NEBL: variants seen among roughly 807,000 people sequenced by gnomAD.
The protein encoded by NEBL is LIM and SH3 protein 2.
In NEBL, 122 loss-of-function variants were observed where a neutral mutation model predicts 140.2. The ratio of observed to expected loss-of-function variants is 0.87; its 90% CI spans 0.75 to 1.01. NEBL has a LOEUF of 1.01. Among genes scored for constraint, NEBL ranks in the 50% least tolerant of loss-of-function variants. The pLI, the probability that NEBL is intolerant of heterozygous loss-of-function variation, is 0.00. For synonymous variants in NEBL, 436 were observed against 398.9 expected (o/e 1.09, Z -1.11); for missense variants, 1,365 against 1,231.3 (o/e 1.11, Z -1.62).
chr10:20,946,167 G>A (rs537427780), intron 4 of NEBL, among the ~76,000 whole-genome samples: 25 of 152,310 alleles, frequency 1.6e-4, no homozygotes, highest in South Asian at 1.0e-3. Flanking sequence ...TGAGGACAAC[G>A]AAGGTGAGAG....
chr10:20,987,588 A>G (rs1253391623), intron 3 of NEBL, among the ~76,000 whole-genome samples: 1 of 152,134 alleles, frequency 6.6e-6, no homozygotes, highest in African/African-American at 2.4e-5. Flanking sequence ...AGACTGGAGC[A>G]TGGTGCCAAT....
intron 2 of NEBL, among the ~76,000 whole-genome samples, chr10:21,105,222 T>TG (rs762935735): frequency 3.0e-4 from 45 of 152,316 alleles, no homozygotes; most frequent in Non-Finnish European, 5.0e-4. Flanking sequence ...CGGGGATACA[T>TG]GTGCAGAACA....
At chr10:20,984,417 T>C (rs1194528655) in intron 3 of NEBL, among the ~76,000 whole-genome samples, 2 of 152,122 alleles carry the variant, frequency 1.3e-5, no homozygotes, top group Admixed American at 6.5e-5. Flanking sequence ...AAATAAAATA[T>C]TGAACGAAAA....
chr10:20,827,657 G>C (rs375502547), intron 17 of NEBL, among the ~76,000 whole-genome samples: 5 of 152,010 alleles, frequency 3.3e-5, no homozygotes, highest in African/African-American at 1.2e-4. Flanking sequence ...CAATAGGAAA[G>C]ACATGGAATC....
chr10:20,853,678 C>T (rs902530983), intron 9 of NEBL, among the ~76,000 whole-genome samples: 9 of 152,154 alleles, frequency 5.9e-5, no homozygotes, highest in African/African-American at 1.9e-4. Context: ...GCCCCAGCTA[C>T]TCGGGAGGCT....
chr10:20,795,947 T>C (rs746701639), intron 26 of NEBL, among the ~76,000 whole-genome samples: 2 of 152,208 alleles, frequency 1.3e-5, no homozygotes, highest in Non-Finnish European at 2.9e-5. Context: ...TATTAATGGA[T>C]TAAAGATTCT....
At chr10:20,789,661 C>T (rs1835750271) in intron 26 of NEBL, among the ~76,000 whole-genome samples, 1 of 152,012 alleles carries the variant, frequency 6.6e-6, no homozygotes, top group Non-Finnish European at 1.5e-5. Flanking sequence ...CCAGCCTGAG[C>T]AACATAGCAG....
At chr10:21,275,506 C>T (rs1259330462) in intron 1 of NEBL, among the ~76,000 whole-genome samples, 1 of 152,172 alleles carries the variant, frequency 6.6e-6, no homozygotes, top group African/African-American at 2.4e-5. Flanking sequence ...GCAGGTTTTC[C>T]TCCTCTCTGT....
chr10:21,013,987 C>G (rs1160915270), intron 3 of NEBL, among the ~76,000 whole-genome samples: 1 of 152,112 alleles, frequency 6.6e-6, no homozygotes, highest in African/African-American at 2.4e-5. Flanking sequence ...GCAGACTGTT[C>G]TAAGATTTTA....
intron 13 of NEBL, among the ~76,000 whole-genome samples, chr10:20,838,005 T>C (rs1841053437): frequency 6.6e-6 from 1 of 152,232 alleles, no homozygotes; most frequent in Non-Finnish European, 1.5e-5. Context: ...CAAACAGTTC[T>C]GATAGAAATG....
chr10:21,196,467 C>T (rs1392883882), intron 3 of NEBL, among the ~76,000 whole-genome samples: 1 of 151,944 alleles, frequency 6.6e-6, no homozygotes, highest in South Asian at 2.1e-4. Context: ...GCCTCAGCCT[C>T]CCAAGTACCT....
chr10:21,091,822 G>A (rs1836925936), intron 2 of NEBL, among the ~76,000 whole-genome samples: 1 of 152,040 alleles, frequency 6.6e-6, no homozygotes, highest in African/African-American at 2.4e-5. Flanking sequence ...TGTAGAAATG[G>A]AGTCTTGCTA....
intron 3 of NEBL, among the ~76,000 whole-genome samples, chr10:21,008,780 A>G (rs913218110): frequency 5.9e-5 from 9 of 152,174 alleles, no homozygotes; most frequent in African/African-American, 2.2e-4. Context: ...AAACAACAGT[A>G]TTTATAAGGT....
rs703089 is a variant in NEBL, at chr10:20,852,540, T to C, written c.1008+5A>G. The C allele has an allele frequency of 0.99, 1,590,965 of 1,608,006 alleles. 788,165 individuals carry two copies. The highest frequency in any genetic ancestry group is 1 in the Non-Finnish European group (1,175,262 of 1,175,790). ...AGGGTAGGTACCGTACGGGCAAGTG[T>C]GTACCTGACTTTGGAGGACGGCATT... is the stretch of plus-strand genomic sequence containing the variant. On this transcript the variant is annotated splice_donor_5th_base_variant and intron_variant, in intron 10 of 27. Transcript: ENST00000377122.
At chr10:21,120,144 G>T (rs1194473867) in intron 2 of NEBL, among the ~76,000 whole-genome samples, 2 of 151,728 alleles carry the variant, frequency 1.3e-5, no homozygotes, top group Non-Finnish European at 2.9e-5. Flanking sequence ...GCTGATGCAG[G>T]AGGATCCCTT....
At chr10:20,857,194 G>A (rs1843161944) in intron 9 of NEBL, among the ~76,000 whole-genome samples, 1 of 152,212 alleles carries the variant, frequency 6.6e-6, no homozygotes, top group Admixed American at 6.5e-5. Context: ...AAGGAAGACA[G>A]TGGCAGTGAT....
At chr10:20,937,114 A>G (rs1307251285) in intron 4 of NEBL, among the ~76,000 whole-genome samples, 1 of 152,152 alleles carries the variant, frequency 6.6e-6, no homozygotes, top group South Asian at 2.1e-4. Flanking sequence ...GCCCTACATG[A>G]GGGCACACAG....
In NEBL at chr10:21,266,464, G is replaced by A. The variant is rs117217669; in HGVS notation, n.183-14636C>T. Among the ~76,000 whole-genome samples, 369 of 152,220 alleles carry A rather than the reference G, an allele frequency of 2.4e-3. 2 individuals carry two copies. The highest frequency in any genetic ancestry group is 4.2e-3 in the Non-Finnish European group (283 of 68,014). ...CAGCTCATTACTCACGGTAGTTAAC[G>A]TTCTAAAACATTGCTGCAAGCACTG... On this transcript the variant is annotated intron_variant and non_coding_transcript_variant, in intron 1 of 8. Coordinates refer to the NEBL transcript ENST00000675702.
chr10:21,066,975 T>A (rs1013192492), intron 2 of NEBL, among the ~76,000 whole-genome samples: 1 of 144,052 alleles, frequency 6.9e-6, no homozygotes, highest in African/African-American at 2.5e-5. Context: ...ATTTAACTTT[T>A]TTTTTTTTTT....
Sources: gnomAD v4.1 joint callset for allele counts (sites outside exome capture counted in the v4.1 genomes callset) on GRCh38, gnomAD v4.1.1 for gene constraint, MANE v1.5 for transcripts, NCBI Gene and HGNC (gene_info 2026-07-23, HGNC 2026-07-21) for gene names.